SCN8A: variants seen among roughly 807,000 people sequenced by gnomAD.
SCN8A encodes the protein sodium voltage-gated channel alpha subunit 8.
Under a neutral mutation model 184.1 loss-of-function variants are expected in SCN8A, and 30 were observed. The observed-to-expected ratio is 0.16, with a 90% CI of 0.12 to 0.22. SCN8A has a LOEUF of 0.22. Ranked by LOEUF, SCN8A falls within the 10% of genes least tolerant of loss-of-function variation. SCN8A has a pLI of 1.00. For missense variants in SCN8A, 1,057 were observed against 2,498.9 expected (o/e 0.42, Z 12.30); for synonymous variants, 852 against 907.0 (o/e 0.94, Z 1.09).
At chr12:51,770,401 T>A (rs1942906462) in intron 18 of SCN8A, 128 bp from the exon 19 acceptor site, 2 of 1,066,224 alleles carry the variant, frequency 1.9e-6, no homozygotes, top group Non-Finnish European at 2.7e-6. Flanking sequence ...TCAGACATTC[T>A]GATTCAGCCA....
intron 11 of SCN8A, among the ~76,000 whole-genome samples, chr12:51,720,033 G>A (rs1299958615): frequency 7.8e-6 from 1 of 128,764 alleles, no homozygotes; most frequent in Non-Finnish European, 1.5e-5. Context: ...CCGAGATCGC[G>A]CCACTGCACT....
At chr12:51,664,763 TG>T (rs1159478120) in intron 2 of SCN8A, among the ~76,000 whole-genome samples, 1 of 152,188 alleles carries the variant, frequency 6.6e-6, no homozygotes, top group Non-Finnish European at 1.5e-5. Flanking sequence ...ATGTGCAGGA[TG>T]TGCAGGTTTG....
intron 26 of SCN8A, among the ~76,000 whole-genome samples, chr12:51,795,259 A>C (rs1027484669): frequency 6.6e-6 from 1 of 152,172 alleles, no homozygotes; most frequent in African/African-American, 2.4e-5. Context: ...GTTGATCCCA[A>C]AGTCCAAGTT....
chr12:51,726,538 C>G (rs1459072203), intron 12 of SCN8A, among the ~76,000 whole-genome samples: 4 of 152,170 alleles, frequency 2.6e-5, no homozygotes, highest in African/African-American at 9.7e-5. Flanking sequence ...TATACTAACT[C>G]TGAAGCCCAA....
rs1482978401 is a variant in SCN8A, at chr12:51,809,097, A to G, written c.*1668A>G. On this transcript the variant is annotated 3_prime_UTR_variant, in exon 27 of 27. Coordinates refer to ENST00000627620, the MANE Select transcript of SCN8A (RefSeq NM_001330260.2). ...GCATTCCCTTGCAGCCAGTTTTGCT[A>G]TCTGCTTAGCGACCTGCCCATTGTC... The G allele has an allele frequency of 6.6e-6, 1 of 152,148 alleles. No individual in the cohort carries two copies. Among genetic ancestry groups the G allele is most frequent in the Non-Finnish European group, 1.5e-5 (1 of 68,022 alleles). The allele number at this position is 152,148 out of a possible 1,614,324, so 9.4% of individuals were successfully genotyped here. A position where few individuals can be genotyped will look rare whatever the true frequency, so the allele number is the denominator to read the frequency against.
chr12:51,683,052 G>C (rs1941362465), intron 2 of SCN8A, among the ~76,000 whole-genome samples: 1 of 152,092 alleles, frequency 6.6e-6, no homozygotes, highest in East Asian at 1.9e-4. Context: ...GAACTTCCCA[G>C]CTCACTCTCT....
chr12:51,744,946 T>G (rs953282619), intron 12 of SCN8A, among the ~76,000 whole-genome samples: 6 of 152,174 alleles, frequency 3.9e-5, no homozygotes, highest in African/African-American at 7.2e-5. Context: ...GCTGATTGTC[T>G]CTGTCCTCTT....
At chr12:51,614,886 C>T (rs1169516058) in intron 1 of SCN8A, among the ~76,000 whole-genome samples, 1 of 150,736 alleles carries the variant, frequency 6.6e-6, no homozygotes, top group Non-Finnish European at 1.5e-5. Flanking sequence ...GATGTACCCT[C>T]TTAACAAATT....
intron 22 of SCN8A, among the ~76,000 whole-genome samples, chr12:51,787,543 T>C (rs1438060019): frequency 1.3e-5 from 2 of 152,214 alleles, no homozygotes; most frequent in Non-Finnish European, 2.9e-5. Context: ...GCCTCTCTGA[T>C]TCTCTGTTTC....
At position 51,794,592 on chromosome 12, in the gene SCN8A, C is replaced by T. The variant is rs779543901; in HGVS notation, c.4746C>T (p.Thr1582=). 2 of 1,613,952 alleles carry T rather than the reference C, an allele frequency of 1.2e-6. No individual in the cohort carries two copies. Among genetic ancestry groups the T allele is most frequent in the Admixed American group, 1.7e-5 (1 of 60,026 alleles). The change falls in exon 26 of 27, where the codon ACC becomes ACT. Residue 1582 remains threonine (T), a synonymous_variant. Transcript: ENST00000627620. ...KMFALRHYYF[T]IGWNIFDFVV... is the part of the protein sequence containing the mutation. ...TTGCGTTGAGGCACTACTACTTCAC[C>T]ATTGGCTGGAACATCTTCGACTTCG...
chr12:51,694,843 G>A lies in SCN8A; in HGVS notation c.707-4727G>A, dbSNP rs138804985. Among the ~76,000 whole-genome samples the A allele has an allele frequency of 1.2e-4, 18 of 152,246 alleles. No homozygotes were observed. The South Asian group carries it at 1.9e-3, about 16-fold the overall frequency. Reference sequence around the variant, plus strand: ...ACAGGTGTTGATGGTACGAGGGAGCGCTTTCAGGCAGTCACAGCTGGCAAG... The same window carrying A: ...ACAGGTGTTGATGGTACGAGGGAGCACTTTCAGGCAGTCACAGCTGGCAAG... On this transcript the variant is annotated intron_variant, in intron 6 of 26. Coordinates refer to ENST00000627620, the MANE Select transcript of SCN8A (RefSeq NM_001330260.2).
chr12:51,788,096 A>G (rs1192983176), intron 22 of SCN8A, among the ~76,000 whole-genome samples: 1 of 152,216 alleles, frequency 6.6e-6, no homozygotes, highest in Non-Finnish European at 1.5e-5. Flanking sequence ...TACATGGATT[A>G]TCCATATTTG....
At chr12:51,624,748 C>T (rs1222426829) in intron 1 of SCN8A, among the ~76,000 whole-genome samples, 1 of 152,072 alleles carries the variant, frequency 6.6e-6, no homozygotes, top group Non-Finnish European at 1.5e-5. Context: ...GGTTTTAGGT[C>T]TAACGTTTAA....
intron 26 of SCN8A, among the ~76,000 whole-genome samples, chr12:51,800,703 C>A (rs1938533143): frequency 6.6e-6 from 1 of 152,210 alleles, no homozygotes; most frequent in South Asian, 2.1e-4. Context: ...AATTATCTGA[C>A]CTCCATAAGC....
At chr12:51,751,751 C>T (rs909507515) in intron 14 of SCN8A, among the ~76,000 whole-genome samples, 158 bp downstream of exon 14, 5 of 152,222 alleles carry the variant, frequency 3.3e-5, no homozygotes, top group African/African-American at 9.6e-5. Context: ...AGCTGCTTTT[C>T]TGCTCACTGT....
chr12:51,766,434 G>T (rs998116549), intron 16 of SCN8A, among the ~76,000 whole-genome samples: 4 of 152,050 alleles, frequency 2.6e-5, no homozygotes, highest in Non-Finnish European at 4.4e-5. Flanking sequence ...TTTGTTGTGG[G>T]CTGTCGTGTG....
chr12:51,735,530 C>T (rs1174709821), intron 12 of SCN8A, among the ~76,000 whole-genome samples: 2 of 152,094 alleles, frequency 1.3e-5, no homozygotes, highest in Admixed American at 6.6e-5. Context: ...ATTACCGGCC[C>T]TTATTGAAGG....
intron 1 of SCN8A, among the ~76,000 whole-genome samples, chr12:51,659,162 C>T (rs1347552786): frequency 6.6e-6 from 1 of 152,184 alleles, no homozygotes; most frequent in East Asian, 1.9e-4. Flanking sequence ...ACTACTGCTA[C>T]ACATATAAGA....
intron 1 of SCN8A, among the ~76,000 whole-genome samples, chr12:51,603,757 C>G (rs1377882346): frequency 6.6e-6 from 1 of 151,044 alleles, no homozygotes; most frequent in East Asian, 1.9e-4. Context: ...CTTAGCCATT[C>G]TAATAGGTGT....
Sources: allele counts gnomAD v4.1 joint callset (sites outside exome capture counted in the v4.1 genomes callset), GRCh38; gene constraint gnomAD v4.1.1; transcripts MANE v1.5; gene names NCBI Gene and HGNC (gene_info 2026-07-23, HGNC 2026-07-21).